Variants in CPEB3 observed in about 807,000 individuals in gnomAD.
CPEB3 encodes the protein cytoplasmic polyadenylation element-binding protein 3.
CPEB3 carries 20 observed loss-of-function variants against 67.2 expected under a neutral mutation model. That is an observed-to-expected ratio of 0.30 (90% CI 0.21 to 0.43). CPEB3 has a LOEUF of 0.43. CPEB3 is among the 20% of genes least tolerant of loss of function. The probability of loss-of-function intolerance (pLI) is 1.00; values close to 1 mark genes in which losing one functional copy is unlikely to be tolerated. For missense variants in CPEB3, 746 were observed against 968.6 expected (o/e 0.77, Z 3.05); for synonymous variants, 376 against 393.1 (o/e 0.96, Z 0.51).
intron 6 of CPEB3, among the ~76,000 whole-genome samples, chr10:92,131,556 G>A (rs1289313948): frequency 1.3e-5 from 2 of 152,174 alleles, no homozygotes; most frequent in Non-Finnish European, 2.9e-5. Context: ...AGTACCTAGA[G>A]TTAGATGTCA....
rs555308314 is a variant in CPEB3 at position 92,146,587 on chromosome 10, C to A, written c.1223-1502G>T. On this transcript the variant is annotated intron_variant, in intron 4 of 9. Coordinates refer to ENST00000265997, the MANE Select transcript of CPEB3 (RefSeq NM_014912.5). ...AAATACTGAACATGTATTTCTTTTA[C>A]AAAAAAGTTAAAGTTATTAATATAA... Among the ~76,000 whole-genome samples the A allele has an allele frequency of 1.2e-4, 19 of 152,094 alleles. No homozygotes were observed. In the East Asian group the frequency reaches 2.7e-3, roughly 22 times the overall value.
At chr10:92,290,557 A>G (rs1842818761) in intron 1 of CPEB3, among the ~76,000 whole-genome samples, 2 of 152,156 alleles carry the variant, frequency 1.3e-5, no homozygotes, top group African/African-American at 4.8e-5. Context: ...GAGGGAGAGA[A>G]TCATCTTTCC....
chr10:92,100,459 A>G (rs1399510707), intron 7 of CPEB3, among the ~76,000 whole-genome samples: 5 of 152,044 alleles, frequency 3.3e-5, no homozygotes, highest in Non-Finnish European at 7.4e-5. Flanking sequence ...TATTTTTAGT[A>G]GAGACTGGGT....
intron 1 of CPEB3, among the ~76,000 whole-genome samples, chr10:92,289,556 T>C (rs1258768719): frequency 6.6e-6 from 1 of 150,850 alleles, no homozygotes; most frequent in Non-Finnish European, 1.5e-5. Flanking sequence ...AATCAATGAA[T>C]TAATTAAATA....
rs1453624785 is a variant in CPEB3, at chr10:92,258,248, C to T, written c.-11-17887G>A. Among the ~76,000 whole-genome samples the T allele has an allele frequency of 9.9e-5, 15 of 151,450 alleles. No homozygotes were observed. The East Asian group carries it at 2.9e-3, about 30-fold the overall frequency. The stretch of plus-strand genomic sequence containing the variant: ...CTGAGTAGCTGGGATTAAAGGCACC[C>T]GCCACCACACCTGGCTAATTTTTGT... On this transcript the variant is annotated intron_variant, in intron 1 of 9. Coordinates refer to ENST00000265997, the MANE Select transcript of CPEB3 (RefSeq NM_014912.5).
chr10:92,137,072 C>T (rs1474416303), intron 6 of CPEB3: 1 of 283,570 alleles, frequency 3.5e-6, no homozygotes, highest in Non-Finnish European at 7.1e-6. Context: ...GATGTGATCA[C>T]TCAAGCCCTA....
chr10:92,263,273 G>A (rs1306398842), intron 1 of CPEB3, among the ~76,000 whole-genome samples: 1 of 152,112 alleles, frequency 6.6e-6, no homozygotes. Flanking sequence ...ATGGGGTTTC[G>A]CCATGTTGGC....
At chr10:92,193,997 C>T (rs1849110863) in intron 2 of CPEB3, among the ~76,000 whole-genome samples, 2 of 151,574 alleles carry the variant, frequency 1.3e-5, no homozygotes, top group Non-Finnish European at 2.9e-5. Flanking sequence ...GGGGTTTCAC[C>T]GTGTTAGACA....
intron 2 of CPEB3, among the ~76,000 whole-genome samples, chr10:92,209,312 G>A (rs1849952047): frequency 6.6e-6 from 1 of 152,218 alleles, no homozygotes; most frequent in African/African-American, 2.4e-5. Flanking sequence ...ATCACCTGAG[G>A]TCAGGAATTT....
chr10:92,080,475 T>C (rs1458006428), intron 9 of CPEB3, among the ~76,000 whole-genome samples: 1 of 152,132 alleles, frequency 6.6e-6, no homozygotes, highest in Non-Finnish European at 1.5e-5. Flanking sequence ...ATGAACAGTG[T>C]GGCAGGTAAG....
intron 9 of CPEB3, among the ~76,000 whole-genome samples, chr10:92,081,078 A>C (rs1239247864): frequency 6.6e-6 from 1 of 152,160 alleles, no homozygotes; most frequent in East Asian, 1.9e-4. Context: ...TGGTATGCTA[A>C]ATTTTGCAGG....
At chr10:92,166,195 G>A (rs1055624955) in intron 4 of CPEB3, among the ~76,000 whole-genome samples, 12 of 150,460 alleles carry the variant, frequency 8.0e-5, no homozygotes, top group South Asian at 4.2e-4. Context: ...TGCCACTTCC[G>A]TCTCCCGGGT....
chr10:92,111,747 C>G (rs955525168), intron 6 of CPEB3, among the ~76,000 whole-genome samples: 1 of 152,170 alleles, frequency 6.6e-6, no homozygotes, highest in African/African-American at 2.4e-5. Context: ...CTGATGATTG[C>G]ACAACTCTGT....
intron 9 of CPEB3, among the ~76,000 whole-genome samples, chr10:92,072,817 T>TA (rs1272319089): frequency 6.6e-6 from 1 of 152,202 alleles, no homozygotes; most frequent in African/African-American, 2.4e-5. Context: ...GAGCCTCTGT[T>TA]ACGCACGAGT....
chr10:92,207,518 G>C (rs557874311), intron 2 of CPEB3, among the ~76,000 whole-genome samples: 2 of 152,088 alleles, frequency 1.3e-5, no homozygotes, highest in African/African-American at 4.8e-5. Context: ...GATAATAATC[G>C]TATTTACTTT....
At chr10:92,129,079 T>G (rs1312327676) in intron 6 of CPEB3, among the ~76,000 whole-genome samples, 1 of 152,334 alleles carries the variant, frequency 6.6e-6, no homozygotes, top group South Asian at 2.1e-4. Context: ...AGCAAAGACA[T>G]GGAATCAACC....
chr10:92,058,943 A>G (rs1487717872), intron 9 of CPEB3, among the ~76,000 whole-genome samples: 1 of 152,214 alleles, frequency 6.6e-6, no homozygotes, highest in Non-Finnish European at 1.5e-5. Flanking sequence ...GTCTTAAAAC[A>G]TTCAAAAAAA....
chr10:92,166,204 G>A (rs1379978193), intron 4 of CPEB3, among the ~76,000 whole-genome samples: 1 of 151,894 alleles, frequency 6.6e-6, no homozygotes, highest in Non-Finnish European at 1.5e-5. Flanking sequence ...CGTCTCCCGG[G>A]TTCAAGTGAT....
At chr10:92,202,310 T>C (rs976700880) in intron 2 of CPEB3, among the ~76,000 whole-genome samples, 2 of 151,970 alleles carry the variant, frequency 1.3e-5, no homozygotes, top group African/African-American at 4.8e-5. Flanking sequence ...CAAAAACCTA[T>C]GGATCCATAT....
Sources: allele counts gnomAD v4.1 joint callset (sites outside exome capture counted in the v4.1 genomes callset), GRCh38; gene constraint gnomAD v4.1.1; transcripts MANE v1.5; gene names NCBI Gene and HGNC (gene_info 2026-07-23, HGNC 2026-07-21).